RHOU: variants seen among roughly 807,000 people sequenced by gnomAD.
RHOU encodes rho-related GTP-binding protein RhoU.
RHOU carries 8 observed loss-of-function variants against 12.6 expected under a neutral mutation model. The observed-to-expected ratio is 0.64, with a 90% confidence interval of 0.37 to 1.15. RHOU has a LOEUF of 1.15. Among genes scored for constraint, RHOU ranks in the 50% most tolerant of loss-of-function variants. The pLI, the probability that RHOU is intolerant of heterozygous loss-of-function variation, is 0.01. For missense variants in RHOU, 258 were observed against 347.0 expected (o/e 0.74, Z 2.04); for synonymous variants, 161 against 147.4 (o/e 1.09, Z -0.67).
At chr1:228,654,920 C>T in the RHOU span, among the ~76,000 whole-genome samples, 1 of 151,956 alleles carries the variant, frequency 6.6e-6, no homozygotes, top group African/African-American at 2.4e-5. Context: ...TGTGCTGTAC[C>T]TGAACAATTT....
At chr1:228,712,152 A>T in the RHOU span, among the ~76,000 whole-genome samples, 1 of 152,120 alleles carries the variant, frequency 6.6e-6, no homozygotes, top group African/African-American at 2.4e-5. Flanking sequence ...TTAAAAAGTC[A>T]GGAAATAACA....
At chr1:228,730,928 G>C (rs1662482964), upstream of RHOU, among the ~76,000 whole-genome samples, 1 of 152,152 alleles carries the variant, frequency 6.6e-6, no homozygotes. Context: ...ATGTTGAGCA[G>C]ATAAAAATTT....
At chr1:228,663,495 T>C in the RHOU span, among the ~76,000 whole-genome samples, 2 of 152,094 alleles carry the variant, frequency 1.3e-5, no homozygotes. Context: ...AGCATATTCT[T>C]ACTATTGAGT....
In RHOU at chr1:228,744,926, GT is replaced by G. The variant is rs1662797254; in HGVS notation, c.*1191del. The G allele has an allele frequency of 1.3e-5, 2 of 152,144 alleles. No homozygotes were observed. The highest frequency in any genetic ancestry group is 1.3e-4 in the Admixed American group (2 of 15,276). 9.4% of individuals were successfully genotyped at this position (152,144 alleles called of 1,614,324 possible). ...ATCTTTTTTATTATATTCAGAGTATGTTTTTAAGTGTATCTTAATATATACA... is the reference window on the plus strand; with the variant it reads ...ATCTTTTTTATTATATTCAGAGTATGTTTTAAGTGTATCTTAATATATACA... On this transcript the variant is annotated 3_prime_UTR_variant, in exon 3 of 3. Coordinates refer to ENST00000366691, the MANE Select transcript of RHOU (RefSeq NM_021205.6).
At chr1:228,681,135 C>A in the RHOU span, among the ~76,000 whole-genome samples, 1 of 152,116 alleles carries the variant, frequency 6.6e-6, no homozygotes, top group African/African-American at 2.4e-5. Context: ...TGAGAAAGAG[C>A]CTAAACGCTG....
chr1:228,707,777 C>T, the RHOU span, among the ~76,000 whole-genome samples: 3 of 152,178 alleles, frequency 2.0e-5, no homozygotes, highest in Non-Finnish European at 4.4e-5. Context: ...GAATGCAGTT[C>T]CTCACCAGCA....
chr1:228,665,409 G>T, the RHOU span, among the ~76,000 whole-genome samples: 1 of 152,214 alleles, frequency 6.6e-6, no homozygotes, highest in Non-Finnish European at 1.5e-5. Context: ...GCAGCACTAG[G>T]GTGAAGGCAG....
Position 228,737,555 on chromosome 1 carries a change from G to A in RHOU, c.263-118G>A. 2 of 978,224 alleles carry A rather than the reference G, an allele frequency of 2.0e-6. No individual in the cohort carries two copies. The highest frequency in any genetic ancestry group is 3.2e-6 in the Non-Finnish European group (2 of 621,468). 60.6% of individuals were successfully genotyped at this position (978,224 alleles called of 1,614,324 possible). On this transcript the variant is annotated intron_variant, in intron 1 of 2. Coordinates refer to ENST00000366691, the MANE Select transcript of RHOU (RefSeq NM_021205.6). This position sits in a 1 kb window ranked among gnomAD's most constrained non-coding sequence, Gnocchi z 4.1. ...TTGGCTAGTCTTTAATTCATTAGAG[G>A]ACCTAAAATAGGAGCAAAGGGGTTT...
At chr1:228,736,107 C>T (rs1662604846) in intron 1 of RHOU, 103 bp downstream of exon 1, 2 of 1,194,652 alleles carry the variant, frequency 1.7e-6, no homozygotes, top group Admixed American at 3.0e-5. Context: ...GGCTGCAGGG[C>T]CCCGGGCGCG....
At chr1:228,656,865 C>T in the RHOU span, among the ~76,000 whole-genome samples, 4 of 152,206 alleles carry the variant, frequency 2.6e-5, no homozygotes, top group African/African-American at 9.6e-5. Context: ...TTAGATTAAG[C>T]TCTTCAGTCA....
At chr1:228,683,401 G>C in the RHOU span, among the ~76,000 whole-genome samples, 1 of 152,272 alleles carries the variant, frequency 6.6e-6, no homozygotes, top group East Asian at 1.9e-4. Flanking sequence ...CAAATACATC[G>C]ATGGAGCTTA....
At chr1:228,736,703 C>G (rs1340478392) in intron 1 of RHOU, among the ~76,000 whole-genome samples, 1 of 152,110 alleles carries the variant, frequency 6.6e-6, no homozygotes, top group African/African-American at 2.4e-5. Flanking sequence ...GTACCGGGTG[C>G]GATGCCATTT....
the RHOU span, among the ~76,000 whole-genome samples, chr1:228,647,168 G>T: frequency 2.0e-5 from 3 of 152,220 alleles, no homozygotes; most frequent in Admixed American, 6.5e-5. Context: ...GGGCGGCCAG[G>T]CGGCCCGTGC....
the RHOU span, among the ~76,000 whole-genome samples, chr1:228,646,992 G>T: frequency 1.3e-5 from 2 of 151,316 alleles, no homozygotes; most frequent in African/African-American, 4.9e-5. Context: ...CAGAGGGAAG[G>T]CTAGAGAAAT....
At chr1:228,659,425 T>C in the RHOU span, among the ~76,000 whole-genome samples, 1 of 151,100 alleles carries the variant, frequency 6.6e-6, no homozygotes, top group Non-Finnish European at 1.5e-5. Flanking sequence ...GATCTCAAAT[T>C]AGCAACCTAA....
intron 2 of RHOU, among the ~76,000 whole-genome samples, chr1:228,741,251 G>A (rs917627305): frequency 6.6e-6 from 1 of 152,064 alleles, no homozygotes; most frequent in Admixed American, 6.5e-5. Context: ...TTTTCTTAAG[G>A]GTGCATTCCA....
the RHOU span, among the ~76,000 whole-genome samples, chr1:228,704,426 T>G: frequency 6.6e-6 from 1 of 152,158 alleles, no homozygotes; most frequent in Non-Finnish European, 1.5e-5. Flanking sequence ...TGGTAAATTT[T>G]CTTACCAATT....
the RHOU span, among the ~76,000 whole-genome samples, chr1:228,662,378 C>T: frequency 2.6e-5 from 4 of 152,154 alleles, no homozygotes; most frequent in African/African-American, 4.8e-5. Flanking sequence ...GACAAATGCA[C>T]GCGAGTGTTT....
chr1:228,695,584 G>T, the RHOU span, among the ~76,000 whole-genome samples: 4 of 152,298 alleles, frequency 2.6e-5, no homozygotes, highest in East Asian at 7.7e-4. Flanking sequence ...CTTGAGTTTG[G>T]TTAATTTGCT....
Sources: gnomAD v4.1 joint callset for allele counts (sites outside exome capture counted in the v4.1 genomes callset) on GRCh38, gnomAD v4.1.1 for gene constraint, Gnocchi (gnomAD v3.1) non-coding constraint, MANE v1.5 for transcripts, NCBI Gene and HGNC (gene_info 2026-07-23, HGNC 2026-07-21) for gene names.